The following IGF1R variants were observed in gnomAD, a reference collection of about 807,000 sequenced individuals.
The protein encoded by IGF1R is insulin like growth factor 1 receptor, also known as insulin-like growth factor 1 receptor.
IGF1R carries 44 observed loss-of-function variants against 144.6 expected under a neutral mutation model. The observed-to-expected ratio is 0.30, with a 90% CI of 0.24 to 0.39. IGF1R has a LOEUF of 0.39. IGF1R is among the 10% of genes least tolerant of loss of function. IGF1R has a pLI of 1.00. For missense variants in IGF1R, 1,355 were observed against 1,833.7 expected (o/e 0.74, Z 4.77); for synonymous variants, 795 against 722.8 (o/e 1.10, Z -1.60).
chr15:98,883,031 T>C (rs1400941231), intron 2 of IGF1R, among the ~76,000 whole-genome samples: 1 of 152,210 alleles, frequency 6.6e-6, no homozygotes. Flanking sequence ...ACAGACAAAC[T>C]GTGGTATCTT....
chr15:98,743,945 C>T (rs777571078), intron 2 of IGF1R, among the ~76,000 whole-genome samples: 7 of 152,100 alleles, frequency 4.6e-5, no homozygotes, highest in Non-Finnish European at 8.8e-5. Context: ...GCTTGGATGA[C>T]AACTATGGCA....
chr15:98,783,948 G>A (rs1410893492), intron 2 of IGF1R, among the ~76,000 whole-genome samples: 2 of 142,584 alleles, frequency 1.4e-5, no homozygotes, highest in Admixed American at 1.4e-4. Flanking sequence ...CAAATACTAT[G>A]GCATCTGAAA....
Position 98,962,986 on chromosome 15 carries a change from C to T in IGF1R, c.*5544C>T, listed in dbSNP as rs1479479597. On this transcript the variant is annotated 3_prime_UTR_variant, in exon 21 of 21. Coordinates refer to ENST00000650285, the MANE Select transcript of IGF1R (RefSeq NM_000875.5). The stretch of plus-strand genomic sequence containing the variant: ...TGTGTGTCCGCATCTTTCTGGTCAA[C>T]ATTGTTTTAACTAGTCACTCATTAG... 3 of 233,570 alleles carry T rather than the reference C, an allele frequency of 1.3e-5. No homozygotes were observed. In the East Asian group the frequency reaches 1.8e-4, roughly 14 times the overall value. 14.5% of individuals were successfully genotyped at this position (233,570 alleles called of 1,614,324 possible).
intron 1 of IGF1R, chr15:98,651,048 C>T: frequency 1.0e-6 from 1 of 985,328 alleles, no homozygotes; most frequent in Non-Finnish European, 1.2e-6. Flanking sequence ...TTAAATGTCG[C>T]AGAACTGGGA....
At chr15:98,896,938 G>C (rs752364299) in intron 4 of IGF1R, 33 bp downstream of exon 4, 10 of 1,610,052 alleles carry the variant, frequency 6.2e-6, no homozygotes, top group Non-Finnish European at 8.5e-6. Context: ...AAAACGGCTA[G>C]ATCTCATGGT....
intron 2 of IGF1R, among the ~76,000 whole-genome samples, chr15:98,763,573 G>T (rs576668904): frequency 6.6e-6 from 1 of 151,834 alleles, no homozygotes; most frequent in South Asian, 2.1e-4. Flanking sequence ...ATTGTAAACC[G>T]TGTTAACAGG....
chr15:98,947,501 A>C (rs2016597993), intron 19 of IGF1R, among the ~76,000 whole-genome samples: 1 of 152,124 alleles, frequency 6.6e-6, no homozygotes. Flanking sequence ...CTTGGTGATG[A>C]GTAGCCTATT....
chr15:98,724,690 C>T (rs1019184699), intron 2 of IGF1R, among the ~76,000 whole-genome samples: 5 of 152,164 alleles, frequency 3.3e-5, no homozygotes, highest in Admixed American at 2.0e-4. Flanking sequence ...CCTTATGGAA[C>T]GTGCTCTGAT....
At chr15:98,719,463 G>A (rs1021160258) in intron 2 of IGF1R, among the ~76,000 whole-genome samples, 1 of 152,150 alleles carries the variant, frequency 6.6e-6, no homozygotes, top group Non-Finnish European at 1.5e-5. Context: ...GTTTGCTGAG[G>A]GGGGAAAAAG....
chr15:98,933,312 G>T (rs1440215991), intron 15 of IGF1R, among the ~76,000 whole-genome samples: 1 of 151,738 alleles, frequency 6.6e-6, no homozygotes, highest in African/African-American at 2.4e-5. Context: ...TCTTTGTTTT[G>T]CCTTCCTTCC....
intron 1 of IGF1R, among the ~76,000 whole-genome samples, chr15:98,666,661 C>A (rs781128183): frequency 6.6e-6 from 1 of 152,108 alleles, no homozygotes; most frequent in Non-Finnish European, 1.5e-5. Context: ...ATAATTGTTA[C>A]CCTTACGTGA....
At chr15:98,956,940 G>A in intron 20 of IGF1R, 121 bp from the exon 21 acceptor site, 2 of 1,110,462 alleles carry the variant, frequency 1.8e-6, no homozygotes, top group Non-Finnish European at 1.4e-6. Flanking sequence ...GGGCAGCAGG[G>A]CTGTGTTCAG....
chr15:98,772,141 T>C (rs2055601638), intron 2 of IGF1R, among the ~76,000 whole-genome samples: 1 of 152,186 alleles, frequency 6.6e-6, no homozygotes, highest in African/African-American at 2.4e-5. Flanking sequence ...AGTTTTTCTT[T>C]ATTGACCATG....
intron 1 of IGF1R, among the ~76,000 whole-genome samples, chr15:98,672,463 G>A (rs575684857): frequency 6.6e-6 from 1 of 151,940 alleles, no homozygotes; most frequent in East Asian, 1.9e-4. Context: ...CCAGCTACTC[G>A]GGAGGCTGAG....
chr15:98,827,888 T>C (rs2056924655), intron 2 of IGF1R, among the ~76,000 whole-genome samples: 1 of 152,162 alleles, frequency 6.6e-6, no homozygotes, highest in Non-Finnish European at 1.5e-5. Flanking sequence ...GCCTAAGATT[T>C]CTTATTGTGG....
chr15:98,873,432 A>T (rs76860920), intron 2 of IGF1R, among the ~76,000 whole-genome samples: 1,794 of 152,324 alleles, frequency 0.012, 34 homozygotes, highest in African/African-American at 0.041. Flanking sequence ...TGCTTTCTCT[A>T]GGTAGCTTGA....
chr15:98,656,176 C>T (rs1337947802), intron 1 of IGF1R, among the ~76,000 whole-genome samples: 2 of 152,160 alleles, frequency 1.3e-5, no homozygotes, highest in African/African-American at 2.4e-5. Flanking sequence ...AGTAGTGGGG[C>T]GGCTGGCTAG....
At chr15:98,842,606 C>G (rs1263365360) in intron 2 of IGF1R, among the ~76,000 whole-genome samples, 1 of 152,158 alleles carries the variant, frequency 6.6e-6, no homozygotes, top group Non-Finnish European at 1.5e-5. Context: ...AATTATTTTT[C>G]TGAACCAAAA....
In IGF1R at chr15:98,935,643, C is replaced by T. The variant is rs775698214; in HGVS notation, c.3297+217C>T. Among the ~76,000 whole-genome samples the T allele has an allele frequency of 6.6e-6, 1 of 152,128 alleles. No homozygotes were observed. Among genetic ancestry groups the T allele is most frequent in the Non-Finnish European group, 1.5e-5 (1 of 68,026 alleles). ...GAGGGGAACTTCCTGTTCCTTGGAT[C>T]CCCTCTGCTAAGCCCCTCTGTGCCT... On this transcript the variant is annotated intron_variant, in intron 17 of 20. Transcript: ENST00000650285. This position sits in a 1 kb window ranked among gnomAD's most constrained non-coding sequence, Gnocchi z 4.2.
Sources: allele counts gnomAD v4.1 joint callset (sites outside exome capture counted in the v4.1 genomes callset), GRCh38; gene constraint gnomAD v4.1.1; non-coding constraint Gnocchi (gnomAD v3.1); transcripts MANE v1.5; gene names NCBI Gene and HGNC (gene_info 2026-07-23, HGNC 2026-07-21).